Variants in NAALADL2 observed in about 807,000 individuals in gnomAD.
NAALADL2 encodes N-acetylated alpha-linked acidic dipeptidase like 2, also known as inactive N-acetylated-alpha-linked acidic dipeptidase-like protein 2.
A neutral mutation model predicts 87.2 loss-of-function variants in NAALADL2; 76 were observed. The observed-to-expected ratio is 0.87, with a 90% CI of 0.72 to 1.05. The LOEUF is 1.05. Ranked by LOEUF, NAALADL2 falls within the 50% of genes least tolerant of loss-of-function variation. The pLI, the probability that NAALADL2 is intolerant of heterozygous loss-of-function variation, is 0.00. For missense variants in NAALADL2, 1,089 were observed against 945.8 expected (o/e 1.15, Z -1.99); for synonymous variants, 354 against 331.0 (o/e 1.07, Z -0.75).
chr3:174,816,264 CTG>C (rs1416668702), intron 3 of NAALADL2, among the ~76,000 whole-genome samples: 1 of 151,408 alleles, frequency 6.6e-6, no homozygotes. Flanking sequence ...TTTCTTCTCT[CTG>C]TATATACAGA....
At chr3:175,684,938 C>A (rs1316707655) in intron 11 of NAALADL2, among the ~76,000 whole-genome samples, 1 of 152,098 alleles carries the variant, frequency 6.6e-6, no homozygotes, top group South Asian at 2.1e-4. Flanking sequence ...TAGTTAAAAT[C>A]TAATTTTTTA....
intron 2 of NAALADL2, among the ~76,000 whole-genome samples, chr3:174,678,523 C>T (rs183008067): frequency 3.0e-4 from 46 of 152,152 alleles, no homozygotes; most frequent in Non-Finnish European, 4.4e-5. Flanking sequence ...ATGTTATTAC[C>T]GGTATTTGAT....
chr3:175,700,211 C>G (rs1419318474), intron 11 of NAALADL2, among the ~76,000 whole-genome samples: 1 of 152,100 alleles, frequency 6.6e-6, no homozygotes, highest in Non-Finnish European at 1.5e-5. Flanking sequence ...AAAAGTAAGA[C>G]TGGCTTTTGA....
rs371290768 is a variant in NAALADL2, at chr3:175,114,520, A to G, written c.545+17229A>G. ...TAATTATTTTCTAAATGTATGCTAA[A>G]CATATAAGTGTTTTACTTTTCTTAG... On this transcript the variant is annotated intron_variant, in intron 2 of 13. Coordinates refer to ENST00000454872, the MANE Select transcript of NAALADL2 (RefSeq NM_207015.3). 5.9e-5 allele frequency among the ~76,000 whole-genome samples: 9 copies of G among 151,798 alleles called. No homozygotes were observed. The East Asian group carries it at 1.4e-3, about 23-fold the overall frequency.
intron 3 of NAALADL2, among the ~76,000 whole-genome samples, chr3:174,815,667 A>T (rs189880526): frequency 6.6e-6 from 1 of 152,112 alleles, no homozygotes; most frequent in East Asian, 1.9e-4. Context: ...AAGCCACAGG[A>T]CTTGTAGTAT....
intron 2 of NAALADL2, among the ~76,000 whole-genome samples, chr3:175,122,399 C>T (rs1044994475): frequency 2.6e-5 from 4 of 151,704 alleles, no homozygotes; most frequent in Non-Finnish European, 4.4e-5. Flanking sequence ...TTTAAATGCT[C>T]CTGAAAGGTG....
chr3:175,078,854 T>C (rs1717172404), intron 1 of NAALADL2, among the ~76,000 whole-genome samples: 1 of 152,268 alleles, frequency 6.6e-6, no homozygotes, highest in Non-Finnish European at 1.5e-5. Flanking sequence ...ATATTTCAGT[T>C]GTTTCAACTT....
chr3:175,422,905 G>A (rs1255385393), intron 5 of NAALADL2, among the ~76,000 whole-genome samples: 1 of 150,974 alleles, frequency 6.6e-6, no homozygotes, highest in Non-Finnish European at 1.5e-5. Flanking sequence ...TTGCAGCTTG[G>A]GGCCAGGCAC....
At chr3:174,599,749 C>T (rs1045795580) in intron 2 of NAALADL2, among the ~76,000 whole-genome samples, 3 of 152,042 alleles carry the variant, frequency 2.0e-5, no homozygotes, top group Admixed American at 6.6e-5. Flanking sequence ...CTTCCCCTGC[C>T]GTAAAACAGA....
intron 2 of NAALADL2, among the ~76,000 whole-genome samples, chr3:174,642,365 G>T (rs1303498107): frequency 6.6e-6 from 1 of 151,820 alleles, no homozygotes; most frequent in African/African-American, 2.4e-5. Context: ...GCCTGGCATG[G>T]TGGTACATGC....
chr3:175,096,709 GCTTA>G, intron 1 of NAALADL2, 77 bp from the exon 2 acceptor site: 1 of 854,962 alleles, frequency 1.2e-6, no homozygotes, highest in Non-Finnish European at 1.7e-6. Context: ...ACTCAATATG[GCTTA>G]CTGTTTTGTT....
intron 3 of NAALADL2, among the ~76,000 whole-genome samples, chr3:174,794,223 T>C (rs1045438960): frequency 6.6e-6 from 1 of 152,162 alleles, no homozygotes; most frequent in Non-Finnish European, 1.5e-5. Flanking sequence ...GATAGTCTTC[T>C]GCCCAATGTG....
At chr3:175,745,552 C>A (rs1280323132) in intron 12 of NAALADL2, among the ~76,000 whole-genome samples, 1 of 152,074 alleles carries the variant, frequency 6.6e-6, no homozygotes, top group East Asian at 1.9e-4. Context: ...AATGTAAATG[C>A]TATGGAAATT....
At chr3:175,597,888 T>A (rs1429750694) in intron 10 of NAALADL2, among the ~76,000 whole-genome samples, 3 of 152,014 alleles carry the variant, frequency 2.0e-5, no homozygotes, top group African/African-American at 7.2e-5. Context: ...GGCATGATTA[T>A]CTCAAATAAA....
At chr3:174,644,692 A>G (rs2108740765) in intron 2 of NAALADL2, among the ~76,000 whole-genome samples, 1 of 152,322 alleles carries the variant, frequency 6.6e-6, no homozygotes, top group South Asian at 2.1e-4. Flanking sequence ...CCTCTGTGTA[A>G]TGATGTTTTT....
chr3:174,604,624 TTG>T (rs142243487), intron 2 of NAALADL2, among the ~76,000 whole-genome samples: 10 of 150,676 alleles, frequency 6.6e-5, no homozygotes, highest in South Asian at 6.3e-4. Context: ...TCATTTTCTG[TTG>T]TGTGTGTGTG....
chr3:175,625,044 T>C (rs943448938), intron 10 of NAALADL2, among the ~76,000 whole-genome samples: 1 of 151,992 alleles, frequency 6.6e-6, no homozygotes, highest in African/African-American at 2.4e-5. Context: ...ATTTCTAATA[T>C]CTCTTCCAAG....
chr3:174,529,519 T>C (rs1442750054), intron 1 of NAALADL2, among the ~76,000 whole-genome samples: 5 of 152,242 alleles, frequency 3.3e-5, no homozygotes, highest in Non-Finnish European at 7.3e-5. Flanking sequence ...GGGGACTCTG[T>C]GTGGGGGTTC....
chr3:175,345,142 T>A (rs975196462), intron 5 of NAALADL2, among the ~76,000 whole-genome samples: 20 of 46,674 alleles, frequency 4.3e-4, no homozygotes, highest in Non-Finnish European at 5.4e-4. Context: ...AAAATAAAAA[T>A]TAAATAAATA....
Sources: allele counts gnomAD v4.1 joint callset (sites outside exome capture counted in the v4.1 genomes callset), GRCh38; gene constraint gnomAD v4.1.1; transcripts MANE v1.5; gene names NCBI Gene and HGNC (gene_info 2026-07-23, HGNC 2026-07-21).